ANAPC11: variants seen among roughly 807,000 people sequenced by gnomAD.
ANAPC11 encodes the protein anaphase promoting complex subunit 11.
Under a neutral mutation model 11.8 loss-of-function variants are expected in ANAPC11, and 5 were observed. That is an observed-to-expected ratio of 0.42 (90% CI 0.22 to 0.89). The LOEUF (loss-of-function observed/expected upper bound fraction) is 0.89, where lower values mean the gene tolerates loss of function less well. Ranked by LOEUF, ANAPC11 falls within the 40% of genes least tolerant of loss-of-function variation. The pLI, the probability that ANAPC11 is intolerant of heterozygous loss-of-function variation, is 0.28. For missense variants in ANAPC11, 68 were observed against 112.9 expected (o/e 0.60, Z 1.80); for synonymous variants, 45 against 41.0 (o/e 1.10, Z -0.38).
intron 3 of ANAPC11, chr17:81,899,090 C>A: frequency 1.2e-6 from 1 of 837,822 alleles, no homozygotes; most frequent in Non-Finnish European, 1.8e-6. Context: ...TCCAGCTCCA[C>A]AATGCCAGGC....
At chr17:81,896,853 C>T (rs1366110476) in intron 3 of ANAPC11, among the ~76,000 whole-genome samples, 1 of 117,354 alleles carries the variant, frequency 8.5e-6, no homozygotes, top group African/African-American at 3.3e-5. Context: ...TGCCCTGTTG[C>T]TCAGACTGGA....
chr17:81,900,124 G>T lies in ANAPC11; in HGVS notation c.*59G>T. On this transcript the variant is annotated 3_prime_UTR_variant, in exon 4 of 4. Transcript: ENST00000344877. The stretch of plus-strand genomic sequence containing the variant: ...GAGACTCCTTCCTCATGCTGGCGCC[G>T]ATGGCTGCTGGGGACAGCGCCCCTG... 3 of 1,602,872 alleles carry T rather than the reference G, an allele frequency of 1.9e-6. No individual in the cohort carries two copies. Among genetic ancestry groups the T allele is most frequent in the Non-Finnish European group, 2.6e-6 (3 of 1,175,220 alleles).
chr17:81,899,891 C>T (rs549791007), intron 3 of ANAPC11, 29 bp from the exon 4 acceptor site: 18 of 1,598,702 alleles, frequency 1.1e-5, no homozygotes, highest in Admixed American at 3.4e-5. Context: ...CTGGTCATGC[C>T]TGTCCTTTTC....
upstream of ANAPC11, chr17:81,891,263 C>A: frequency 9.2e-7 from 1 of 1,092,764 alleles, no homozygotes; most frequent in Admixed American, 5.4e-5. Context: ...GCGAGCGGCC[C>A]CGGCCCCAGC....
chr17:81,898,534 G>C (rs1210090067), intron 3 of ANAPC11: 1 of 152,282 alleles, frequency 6.6e-6, no homozygotes, highest in Non-Finnish European at 1.5e-5. Context: ...GTCATAGTGA[G>C]TCAGTGTTAA....
chr17:81,891,537 G>A, upstream of ANAPC11: 1 of 1,436,956 alleles, frequency 7.0e-7, no homozygotes, highest in Non-Finnish European at 9.1e-7. Flanking sequence ...GTCGTCCAGA[G>A]ACATGTCCAT....
At chr17:81,897,984 C>G (rs1482995513) in intron 3 of ANAPC11, 1 of 152,218 alleles carries the variant, frequency 6.6e-6, no homozygotes, top group Non-Finnish European at 1.5e-5. Flanking sequence ...TCTCATCACT[C>G]AGGAATTAAT....
chr17:81,894,432 CAATTTAG>C, intron 2 of ANAPC11, 28 bp from the exon 3 acceptor site: 4 of 1,337,006 alleles, frequency 3.0e-6, no homozygotes, highest in Non-Finnish European at 4.3e-6. Context: ...TCTGCAGACT[CAATTTAG>C]CCAGTCGTCC....
chr17:81,890,993 C>T, upstream of ANAPC11: 1 of 973,552 alleles, frequency 1.0e-6, no homozygotes, highest in Middle Eastern at 3.2e-4. Flanking sequence ...CCGCACGGTC[C>T]CACCGCGGCC....
intron 3 of ANAPC11, chr17:81,899,097 A>C: frequency 1.1e-6 from 1 of 896,568 alleles, no homozygotes; most frequent in Non-Finnish European, 1.7e-6. Flanking sequence ...CCACAATGCC[A>C]GGCCGACCCT....
chr17:81,896,289 G>A (rs921715180), intron 3 of ANAPC11, among the ~76,000 whole-genome samples: 5 of 152,104 alleles, frequency 3.3e-5, no homozygotes, highest in Admixed American at 2.6e-4. Context: ...GGGCATGGTG[G>A]TGCATGCCTG....
upstream of ANAPC11, chr17:81,891,345 T>A: frequency 8.7e-7 from 1 of 1,153,844 alleles, no homozygotes; most frequent in Non-Finnish European, 1.1e-6. Flanking sequence ...CGCCGGTCGG[T>A]TCCTGCCGCC....
intron 1 of ANAPC11, chr17:81,892,064 G>T: frequency 6.5e-6 from 1 of 153,628 alleles, no homozygotes; most frequent in African/African-American, 2.4e-5. Context: ...GGGTCCGGCG[G>T]GCGCGGCTTC....
upstream of ANAPC11, chr17:81,891,275 C>T: frequency 9.0e-7 from 1 of 1,107,068 alleles, no homozygotes; most frequent in East Asian, 5.2e-5. Flanking sequence ...GGCCCCAGCC[C>T]CGGCTGGCCC....
At chr17:81,900,522 C>T (rs959776002), downstream of ANAPC11, 7 of 216,434 alleles carry the variant, frequency 3.2e-5, no homozygotes, top group East Asian at 8.7e-4. Flanking sequence ...GCAAAGCTGG[C>T]GGCCACTGCT....
Position 81,898,896 on chromosome 17 carries a change from G to A in ANAPC11, c.110-1024G>A, listed in dbSNP as rs977427832. The A allele has an allele frequency of 2.1e-5, 7 of 336,692 alleles. 1 individual carries two copies. Among genetic ancestry groups the A allele is most frequent in the Admixed American group, 8.9e-5 (2 of 22,364 alleles). The allele number at this position is 336,692 out of a possible 1,614,324, so 20.9% of individuals were successfully genotyped here. ...CCTTTGACTAAACGAGGCCTCCCCC[G>A]AGTACTCAGAGTGGCCCAGACCCCT... On this transcript the variant is annotated intron_variant, in intron 3 of 3. Coordinates refer to ENST00000344877, the MANE Select transcript of ANAPC11 (RefSeq NM_001002248.3).
At chr17:81,897,670 G>A (rs1156680076) in intron 3 of ANAPC11, among the ~76,000 whole-genome samples, 1 of 152,058 alleles carries the variant, frequency 6.6e-6, no homozygotes, top group Non-Finnish European at 1.5e-5. Context: ...TTTTTGTAGA[G>A]ACAGGGTTTT....
rs991473485 is a variant in ANAPC11 at position 81,899,122 on chromosome 17, G to A, written c.110-798G>A. The A allele has an allele frequency of 7.3e-6, 8 of 1,101,330 alleles. No homozygotes were observed. The Admixed American group carries it at 2.0e-4, about 27-fold the overall frequency. 68.2% of individuals were successfully genotyped at this position (1,101,330 alleles called of 1,614,324 possible). ...AGGCCGACCCTGCCGTGGGGCTGGG[G>A]CTGGGACTTGCTGTGCTCTGTTGGC... On this transcript the variant is annotated intron_variant, in intron 3 of 3. Transcript: ENST00000344877.
At chr17:81,890,907 T>G, upstream of ANAPC11, 1 of 1,575,236 alleles carries the variant, frequency 6.3e-7, no homozygotes. Flanking sequence ...ACCCTTCCTC[T>G]TCCCGGCCTG....
Sources: allele counts gnomAD v4.1 joint callset (sites outside exome capture counted in the v4.1 genomes callset), GRCh38; gene constraint gnomAD v4.1.1; transcripts MANE v1.5; gene names NCBI Gene and HGNC (gene_info 2026-07-23, HGNC 2026-07-21).